The following LRRC7 variants were observed in gnomAD, a reference collection of about 807,000 sequenced individuals.
The protein encoded by LRRC7 is leucine rich repeat containing 7.
LRRC7 carries 23 observed loss-of-function variants against 175.7 expected under a neutral mutation model. That is an observed-to-expected ratio of 0.13 (90% CI 0.09 to 0.19). The LOEUF (loss-of-function observed/expected upper bound fraction) is 0.19, where lower values mean the gene tolerates loss of function less well. Among genes scored for constraint, LRRC7 ranks in the 10% least tolerant of loss-of-function variants. The probability of loss-of-function intolerance (pLI) is 1.00; values close to 1 mark genes in which losing one functional copy is unlikely to be tolerated. For synonymous variants in LRRC7, 685 were observed against 680.9 expected (o/e 1.01, Z -0.09); for missense variants, 1,354 against 1,904.7 (o/e 0.71, Z 5.38).
Position 70,143,728 on chromosome 1 carries a change from C to CAA in LRRC7, c.*21842_*21843dup, listed in dbSNP as rs1553210649. On this transcript the variant is annotated 3_prime_UTR_variant, in exon 27 of 27. Transcript: ENST00000651989. The stretch of plus-strand genomic sequence containing the variant: ...AAACAAATTGCTTACTTTAATAATA[C>CAA]AATTTTACCATTTTATAAAAAAAAT... 6.6e-6 allele frequency: 1 copy of CAA among 151,902 alleles called. No individual in the cohort carries two copies. The highest frequency in any genetic ancestry group is 2.4e-5 in the African/African-American group (1 of 41,366). 9.4% of individuals were successfully genotyped at this position (151,902 alleles called of 1,614,324 possible).
intron 7 of LRRC7, among the ~76,000 whole-genome samples, chr1:69,908,589 G>T (rs1268303876): frequency 6.6e-6 from 1 of 151,826 alleles, no homozygotes; most frequent in Non-Finnish European, 1.5e-5. Flanking sequence ...GAGTTTGTTA[G>T]TCCTGAGTTC....
At chr1:69,960,226 GTCC>G (rs1160654767) in intron 8 of LRRC7, among the ~76,000 whole-genome samples, 1 of 152,072 alleles carries the variant, frequency 6.6e-6, no homozygotes, top group Non-Finnish European at 1.5e-5. Flanking sequence ...TGGTGTATGA[GTCC>G]AGGAAGTTAT....
At chr1:70,071,418 A>C (rs1662377810) in intron 23 of LRRC7, among the ~76,000 whole-genome samples, 1 of 152,126 alleles carries the variant, frequency 6.6e-6, no homozygotes, top group African/African-American at 2.4e-5. Flanking sequence ...AGGGCAAAAT[A>C]CATCTACCCC....
At chr1:69,608,812 G>GTCTCTCTCTCTC (rs558298354) in intron 1 of LRRC7, among the ~76,000 whole-genome samples, 1 of 91,614 alleles carries the variant, frequency 1.1e-5, no homozygotes, top group Non-Finnish European at 2.1e-5. Context: ...TGCTCTGTCT[G>GTCTCTCTCTCTC]TCTCTCTCTC....
intron 1 of LRRC7, among the ~76,000 whole-genome samples, chr1:69,602,732 C>T (rs553208694): frequency 2.6e-4 from 39 of 152,140 alleles, no homozygotes; most frequent in Admixed American, 1.2e-3. Context: ...GTTGGTGGCT[C>T]GAGAATCATT....
At chr1:70,072,288 T>A (rs1051414648) in intron 23 of LRRC7, among the ~76,000 whole-genome samples, 2 of 152,216 alleles carry the variant, frequency 1.3e-5, no homozygotes, top group Non-Finnish European at 2.9e-5. Flanking sequence ...TATGAGTCAG[T>A]GTTCTCATAG....
intron 2 of LRRC7, among the ~76,000 whole-genome samples, chr1:69,717,965 G>GAA (rs776221944): frequency 0.16 from 9,491 of 59,956 alleles, 783 homozygotes; most frequent in South Asian, 0.28. Flanking sequence ...AGAAGAAAAA[G>GAA]AAAGAAAGAG....
rs553533345 is a variant in LRRC7 at position 69,851,897 on chromosome 1, A to G, written c.647+13614A>G. ...AGCTGGAGTTTACCAAATTAGCCAG[A>G]TGGAGGAGGAGGGGACAAGGAAACA... On this transcript the variant is annotated intron_variant, in intron 7 of 26. Transcript: ENST00000651989. 1.4e-4 allele frequency among the ~76,000 whole-genome samples: 21 copies of G among 152,298 alleles called. No homozygotes were observed. In the South Asian group the frequency reaches 1.9e-3, roughly 14 times the overall value.
At chr1:69,725,576 C>A (rs993044666) in intron 2 of LRRC7, among the ~76,000 whole-genome samples, 4 of 152,190 alleles carry the variant, frequency 2.6e-5, no homozygotes, top group Non-Finnish European at 5.9e-5. Flanking sequence ...CAAGATTCTT[C>A]AGATTCTGTA....
Position 70,094,882 on chromosome 1 carries a change from A to G in LRRC7, c.4545+5063A>G, listed in dbSNP as rs377405381. The stretch of plus-strand genomic sequence containing the variant: ...TATGCTTTTAACTTATAAAAAAGGT[A>G]CATACCATATGCCTATTTCCTGTCA... On this transcript the variant is annotated intron_variant, in intron 25 of 26. Coordinates refer to ENST00000651989, the MANE Select transcript of LRRC7 (RefSeq NM_001370785.2). 3.7e-4 allele frequency among the ~76,000 whole-genome samples: 56 copies of G among 152,348 alleles called. 1 individual carries two copies. The South Asian group carries it at 0.012, about 32-fold the overall frequency.
Position 70,132,739 on chromosome 1 carries a change from G to A in LRRC7, c.*10852G>A, listed in dbSNP as rs1666724660. Among the ~76,000 whole-genome samples the A allele has an allele frequency of 2.0e-5, 3 of 151,978 alleles. No individual in the cohort carries two copies. ...ACCTGCCTCGGACTCCCAAAGTACG[G>A]GGATTACAGGCGTGAGACACCGCGC... is the stretch of plus-strand genomic sequence containing the variant. On this transcript the variant is annotated 3_prime_UTR_variant, in exon 27 of 27. Coordinates refer to ENST00000651989, the MANE Select transcript of LRRC7 (RefSeq NM_001370785.2).
At chr1:69,950,481 A>C (rs1324718083) in intron 8 of LRRC7, among the ~76,000 whole-genome samples, 1 of 152,164 alleles carries the variant, frequency 6.6e-6, no homozygotes, top group Non-Finnish European at 1.5e-5. Context: ...TAAGACTACC[A>C]GAGTCTTTGA....
intron 7 of LRRC7, chr1:69,873,430 A>C (rs1685749614): frequency 1.9e-6 from 1 of 533,078 alleles, no homozygotes; most frequent in Non-Finnish European, 3.8e-6. Flanking sequence ...TAGGAGTTCC[A>C]TCTTTTGGGC....
intron 8 of LRRC7, among the ~76,000 whole-genome samples, chr1:69,980,119 G>C (rs1164376808): frequency 2.0e-5 from 3 of 152,008 alleles, no homozygotes; most frequent in Non-Finnish European, 2.9e-5. Flanking sequence ...TAATTGTAAG[G>C]TATTCAGGGA....
chr1:69,622,473 T>C (rs1650774376), intron 1 of LRRC7, among the ~76,000 whole-genome samples: 1 of 152,206 alleles, frequency 6.6e-6, no homozygotes, highest in South Asian at 2.1e-4. Context: ...CTACCATCTC[T>C]GATATGGACT....
At chr1:69,684,906 C>T (rs932349482) in intron 2 of LRRC7, among the ~76,000 whole-genome samples, 1 of 152,150 alleles carries the variant, frequency 6.6e-6, no homozygotes, top group African/African-American at 2.4e-5. Flanking sequence ...CCAGGCCATC[C>T]CTGCTCTGCT....
At chr1:69,716,781 A>G (rs999750371) in intron 2 of LRRC7, among the ~76,000 whole-genome samples, 1 of 151,876 alleles carries the variant, frequency 6.6e-6, no homozygotes, top group Non-Finnish European at 1.5e-5. Context: ...TGATGAAAGC[A>G]TGCAATGTTT....
chr1:69,819,603 G>GTA (rs1225296346), intron 4 of LRRC7, among the ~76,000 whole-genome samples: 1 of 151,272 alleles, frequency 6.6e-6, no homozygotes, highest in African/African-American at 2.4e-5. Flanking sequence ...GTGTGTGTGT[G>GTA]TGTGTGTGTG....
intron 25 of LRRC7, among the ~76,000 whole-genome samples, chr1:70,097,011 C>T (rs926501848): frequency 1.3e-5 from 2 of 152,222 alleles, no homozygotes; most frequent in Non-Finnish European, 2.9e-5. Context: ...CTGTCAGTCT[C>T]AGATGTGTAC....
Sources: allele counts gnomAD v4.1 joint callset (sites outside exome capture counted in the v4.1 genomes callset), GRCh38; gene constraint gnomAD v4.1.1; transcripts MANE v1.5; gene names NCBI Gene and HGNC (gene_info 2026-07-23, HGNC 2026-07-21).